The following CERS6 variants were observed in gnomAD, a reference collection of about 807,000 sequenced individuals.
CERS6 encodes ceramide synthase 6, also known as LAG1 homolog, ceramide synthase 6.
CERS6 carries 26 observed loss-of-function variants against 56.8 expected under a neutral mutation model. The observed-to-expected ratio is 0.46, with a 90% CI of 0.34 to 0.63. CERS6 has a LOEUF of 0.63. Among genes scored for constraint, CERS6 ranks in the 30% least tolerant of loss-of-function variants. The pLI, the probability that CERS6 is intolerant of heterozygous loss-of-function variation, is 0.01. For synonymous variants in CERS6, 164 were observed against 173.3 expected (o/e 0.95, Z 0.42); for missense variants, 415 against 467.5 (o/e 0.89, Z 1.04).
chr2:168,553,817 T>C (rs1236248865), intron 2 of CERS6, among the ~76,000 whole-genome samples: 9 of 152,136 alleles, frequency 5.9e-5, no homozygotes, highest in Non-Finnish European at 1.3e-4. Context: ...TTCTAGGTTC[T>C]CACAGTGTAG....
In CERS6 at chr2:168,746,775, GTATATATATATATATATA is replaced by G. The variant is rs71003053; in HGVS notation, c.846-18788_846-18771del. The stretch of plus-strand genomic sequence containing the variant: ...CCAAACTGATTTAAAAGGGTAAAGG[GTATATATATATATATATA>G]TATATATATATATATATATATATAT... On this transcript the variant is annotated intron_variant, in intron 8 of 9. Coordinates refer to ENST00000305747, the MANE Select transcript of CERS6 (RefSeq NM_203463.3). Among the ~76,000 whole-genome samples, 324 of 39,032 alleles carry G rather than the reference GTATATATATATATATATA, an allele frequency of 8.3e-3. 9 individuals carry two copies. Among genetic ancestry groups the G allele is most frequent in the East Asian group, 0.076 (89 of 1,172 alleles). 25.6% of individuals were successfully genotyped at this position (39,032 alleles called of 152,430 possible). A position where few individuals can be genotyped will look rare whatever the true frequency, so the allele number is the denominator to read the frequency against.
intron 6 of CERS6, among the ~76,000 whole-genome samples, chr2:168,698,334 C>T (rs1331029595): frequency 1.3e-5 from 2 of 150,340 alleles, no homozygotes; most frequent in African/African-American, 2.5e-5. Context: ...AATTGGCTCA[C>T]GGTTCCATAG....
intron 3 of CERS6, among the ~76,000 whole-genome samples, chr2:168,592,310 G>T (rs1683691084): frequency 6.6e-6 from 1 of 152,090 alleles, no homozygotes; most frequent in African/African-American, 2.4e-5. Context: ...GTGGGCAGAG[G>T]CACAGCCCAG....
intron 4 of CERS6, among the ~76,000 whole-genome samples, chr2:168,645,235 G>A (rs1685170075): frequency 7.7e-6 from 1 of 129,316 alleles, no homozygotes; most frequent in African/African-American, 2.9e-5. Flanking sequence ...TTTTTTAAAA[G>A]ATTTATTCTG....
intron 8 of CERS6, among the ~76,000 whole-genome samples, chr2:168,730,630 A>G (rs539007747): frequency 6.6e-6 from 1 of 152,302 alleles, no homozygotes; most frequent in Non-Finnish European, 1.5e-5. Context: ...TGTGTTGTCA[A>G]TTAGGTGCCC....
chr2:168,634,767 G>T (rs1228232617), intron 4 of CERS6, among the ~76,000 whole-genome samples: 1 of 152,290 alleles, frequency 6.6e-6, no homozygotes, highest in South Asian at 2.1e-4. Context: ...GTATGTAAAA[G>T]AAAAGTTACT....
intron 1 of CERS6, among the ~76,000 whole-genome samples, chr2:168,543,365 C>T (rs533184379): frequency 6.6e-6 from 1 of 152,034 alleles, no homozygotes; most frequent in South Asian, 2.1e-4. Context: ...GATGTGTTAC[C>T]CCCATCCCCC....
chr2:168,477,704 A>T (rs1217740556), intron 1 of CERS6, among the ~76,000 whole-genome samples: 1 of 152,156 alleles, frequency 6.6e-6, no homozygotes, highest in Non-Finnish European at 1.5e-5. Flanking sequence ...TTTGATAGAT[A>T]TTGGAGAATT....
chr2:168,514,599 GC>G (rs1694853946), intron 1 of CERS6, among the ~76,000 whole-genome samples: 1 of 152,200 alleles, frequency 6.6e-6, no homozygotes, highest in Non-Finnish European at 1.5e-5. Flanking sequence ...TTCATTGCTT[GC>G]CAAATGTGCT....
At chr2:168,480,958 G>A (rs971438727) in intron 1 of CERS6, among the ~76,000 whole-genome samples, 1 of 152,138 alleles carries the variant, frequency 6.6e-6, no homozygotes, top group African/African-American at 2.4e-5. Context: ...TTAGGGGCAC[G>A]CTTCTATCAT....
intron 3 of CERS6, among the ~76,000 whole-genome samples, chr2:168,562,610 G>C (rs976616577): frequency 6.6e-6 from 1 of 152,198 alleles, no homozygotes; most frequent in Non-Finnish European, 1.5e-5. Context: ...AAACATCTCA[G>C]TGGAGTAAAG....
chr2:168,615,845 A>G (rs1456687511), intron 3 of CERS6, among the ~76,000 whole-genome samples: 1 of 152,230 alleles, frequency 6.6e-6, no homozygotes, highest in Non-Finnish European at 1.5e-5. Flanking sequence ...AGCCGTAGAC[A>G]TCCAAATACA....
intron 1 of CERS6, among the ~76,000 whole-genome samples, chr2:168,495,161 CTTGTGA>C (rs1694443323): frequency 6.6e-6 from 1 of 152,134 alleles, no homozygotes; most frequent in Non-Finnish European, 1.5e-5. Context: ...TAGCTTTATA[CTTGTGA>C]TAGTCTGACT....
chr2:168,697,778 G>A lies in CERS6; in HGVS notation c.609+2727G>A, dbSNP rs11901109. Among the ~76,000 whole-genome samples the A allele has an allele frequency of 7.8e-3, 1,186 of 152,184 alleles. 18 individuals carry two copies. The highest frequency in any genetic ancestry group is 0.027 in the African/African-American group (1,115 of 41,502). ...TTGCCATTTTATCAGTCCTTCTCTT[G>A]CTTAGTGAGAACTAGAGGTGCCATC... On this transcript the variant is annotated intron_variant, in intron 6 of 9. Coordinates refer to ENST00000305747, the MANE Select transcript of CERS6 (RefSeq NM_203463.3).
In CERS6 at chr2:168,548,835, T is replaced by G. The variant is rs150650864; in HGVS notation, c.276+1134T>G. On this transcript the variant is annotated intron_variant, in intron 2 of 9. Coordinates refer to ENST00000305747, the MANE Select transcript of CERS6 (RefSeq NM_203463.3). ...CAAAAAATTAAGAAAGTACCAGGTGTTTTTCATATCTCTGCTAGGAAGAAG... is the reference window on the plus strand; with the variant it reads ...CAAAAAATTAAGAAAGTACCAGGTGGTTTTCATATCTCTGCTAGGAAGAAG... Among the ~76,000 whole-genome samples the G allele has an allele frequency of 9.2e-3, 1,401 of 152,318 alleles. 24 individuals carry two copies. Among genetic ancestry groups the G allele is most frequent in the African/African-American group, 0.03 (1,267 of 41,554 alleles).
chr2:168,584,679 A>G (rs542509208), intron 3 of CERS6, among the ~76,000 whole-genome samples: 5 of 152,340 alleles, frequency 3.3e-5, no homozygotes, highest in Admixed American at 2.0e-4. Context: ...ATTAAAATCT[A>G]TTCACATACT....
intron 5 of CERS6, among the ~76,000 whole-genome samples, chr2:168,693,754 C>T (rs1251558344): frequency 6.6e-6 from 1 of 152,132 alleles, no homozygotes; most frequent in Non-Finnish European, 1.5e-5. Flanking sequence ...AATTAGCTCC[C>T]AAAGGCCCTG....
At position 168,508,283 on chromosome 2, in the gene CERS6, A is replaced by G. The variant is rs1046387439; in HGVS notation, c.171-39313A>G. On this transcript the variant is annotated intron_variant, in intron 1 of 9. Coordinates refer to ENST00000305747, the MANE Select transcript of CERS6 (RefSeq NM_203463.3). ...CTGAAAGAATCAGCAAAATCTGGGT[A>G]AAATAGCAAAGCCTCCTAGGTTGAA... Among the ~76,000 whole-genome samples the G allele has an allele frequency of 1.3e-5, 2 of 152,336 alleles. 1 individual carries two copies. Among genetic ancestry groups the G allele is most frequent in the Middle Eastern group, 6.8e-3 (2 of 292 alleles).
chr2:168,569,663 A>G (rs1046449625), intron 3 of CERS6, among the ~76,000 whole-genome samples: 8 of 152,350 alleles, frequency 5.3e-5, no homozygotes, highest in South Asian at 2.1e-4. Flanking sequence ...TTAGGCTCAC[A>G]TTAGAAGACA....
Sources: gnomAD v4.1 joint callset for allele counts (sites outside exome capture counted in the v4.1 genomes callset) on GRCh38, gnomAD v4.1.1 for gene constraint, MANE v1.5 for transcripts, NCBI Gene and HGNC (gene_info 2026-07-23, HGNC 2026-07-21) for gene names.